Variants in LRP1B observed in about 807,000 individuals in gnomAD.
LRP1B encodes the protein low-density lipoprotein receptor-related protein 1B.
In LRP1B, 217 loss-of-function variants were observed where a neutral mutation model predicts 556.6. The ratio of observed to expected loss-of-function variants is 0.39; its 90% CI spans 0.35 to 0.44. LRP1B has a LOEUF of 0.44. Ranked by LOEUF, LRP1B falls within the 20% of genes least tolerant of loss-of-function variation. The pLI is 1.00. For missense variants in LRP1B, 5,053 were observed against 5,620.8 expected, an observed-to-expected ratio of 0.90 and a Z score of 3.23; for synonymous variants, 2,047 against 1,865.8, an observed-to-expected ratio of 1.10 and a Z score of -2.50.
chr2:140,618,609 AC>A (rs1399676546), intron 41 of LRP1B, among the ~76,000 whole-genome samples: 1 of 152,176 alleles, frequency 6.6e-6, no homozygotes, highest in Non-Finnish European at 1.5e-5. Context: ...AAAGACACAA[AC>A]TAAAACATAA....
chr2:140,529,671 G>A (rs1487125955), intron 47 of LRP1B, among the ~76,000 whole-genome samples: 2 of 151,972 alleles, frequency 1.3e-5, no homozygotes, highest in South Asian at 2.1e-4. Flanking sequence ...CTCCTTTAGG[G>A]AGGATCAGAA....
At chr2:141,215,918 A>G (rs566065491) in intron 6 of LRP1B, among the ~76,000 whole-genome samples, 2 of 152,214 alleles carry the variant, frequency 1.3e-5, no homozygotes, top group African/African-American at 4.8e-5. Context: ...ACAGAGAAAG[A>G]AGCTTTTTCT....
chr2:140,712,430 C>G (rs1347014506), intron 37 of LRP1B, among the ~76,000 whole-genome samples: 1 of 151,992 alleles, frequency 6.6e-6, no homozygotes, highest in Non-Finnish European at 1.5e-5. Flanking sequence ...TCTTGCCTCC[C>G]TGCTTTCTGT....
chr2:141,185,687 C>CAAAAAAAAA (rs111914547), intron 7 of LRP1B, among the ~76,000 whole-genome samples: 1 of 132,176 alleles, frequency 7.6e-6, no homozygotes, highest in Non-Finnish European at 1.5e-5. Flanking sequence ...AACAAACAAA[C>CAAAAAAAAA]AAAAAAAAAC....
chr2:141,788,863 T>G (rs993804700), intron 2 of LRP1B, among the ~76,000 whole-genome samples: 6 of 152,106 alleles, frequency 3.9e-5, no homozygotes, highest in African/African-American at 1.4e-4. Flanking sequence ...ACAAAGGACA[T>G]GAACTTATCA....
chr2:140,678,114 G>C (rs1359805518), intron 41 of LRP1B, among the ~76,000 whole-genome samples: 22 of 152,090 alleles, frequency 1.4e-4, no homozygotes, highest in Admixed American at 1.4e-3. Flanking sequence ...TCTTAATCAT[G>C]ATACTCCAAT....
chr2:140,292,677 C>T (rs1683436561), intron 84 of LRP1B, among the ~76,000 whole-genome samples: 1 of 152,064 alleles, frequency 6.6e-6, no homozygotes, highest in Non-Finnish European at 1.5e-5. Flanking sequence ...AACTCGTTTC[C>T]TTTTTAGAAT....
intron 7 of LRP1B, among the ~76,000 whole-genome samples, chr2:141,187,761 G>C (rs763486105): frequency 1.3e-5 from 2 of 151,732 alleles, no homozygotes; most frequent in African/African-American, 2.4e-5. Flanking sequence ...ATGAAATATG[G>C]TAAAAAGATT....
chr2:141,611,630 C>A (rs564185031), intron 2 of LRP1B, among the ~76,000 whole-genome samples: 1 of 152,278 alleles, frequency 6.6e-6, no homozygotes, highest in East Asian at 1.9e-4. Flanking sequence ...ACAAGCTGAT[C>A]TGCTTCTATA....
intron 7 of LRP1B, among the ~76,000 whole-genome samples, chr2:141,109,915 A>G (rs2104962758): frequency 6.6e-6 from 1 of 152,312 alleles, no homozygotes; most frequent in East Asian, 1.9e-4. Context: ...TAGGATGAGT[A>G]AAGGTGCCCT....
chr2:142,011,274 G>A (rs554798174), intron 1 of LRP1B, among the ~76,000 whole-genome samples: 1 of 152,254 alleles, frequency 6.6e-6, no homozygotes, highest in Non-Finnish European at 1.5e-5. Context: ...CTTTGAAAAA[G>A]TGGGAAACTT....
chr2:140,763,816 T>C (rs2104921444), intron 35 of LRP1B, among the ~76,000 whole-genome samples: 1 of 152,270 alleles, frequency 6.6e-6, no homozygotes, highest in Admixed American at 6.5e-5. Context: ...ATATTACATC[T>C]TGAAAGATTT....
chr2:141,890,319 A>AATACATATATAT (rs1553480445), intron 1 of LRP1B, among the ~76,000 whole-genome samples: 4 of 63,792 alleles, frequency 6.3e-5, no homozygotes, highest in East Asian at 3.2e-4. Flanking sequence ...GTAAGGGCAC[A>AATACATATATAT]ATACATATAT....
chr2:140,601,714 A>G, intron 41 of LRP1B, 75 bp from the exon 42 acceptor site: 1 of 1,002,272 alleles, frequency 1.0e-6, no homozygotes. Context: ...AAAAGCATTT[A>G]AGACATACAT....
At chr2:141,452,560 C>CA (rs887177810) in intron 3 of LRP1B, among the ~76,000 whole-genome samples, 1 of 152,154 alleles carries the variant, frequency 6.6e-6, no homozygotes, top group African/African-American at 2.4e-5. Context: ...ATGATTTTCT[C>CA]AAAAAAGCTA....
intron 77 of LRP1B, among the ~76,000 whole-genome samples, chr2:140,350,420 C>G (rs2105114469): frequency 6.6e-6 from 1 of 152,034 alleles, no homozygotes; most frequent in South Asian, 2.1e-4. Flanking sequence ...AAATAGTTAT[C>G]CCTGCATTAC....
At chr2:141,980,352 G>T (rs1054012892) in intron 1 of LRP1B, among the ~76,000 whole-genome samples, 17 of 152,030 alleles carry the variant, frequency 1.1e-4, no homozygotes, top group Admixed American at 1.1e-3. Context: ...TCCTAGAAAG[G>T]CTTTGCACAA....
chr2:140,762,963 A>G (rs541772621), intron 35 of LRP1B, among the ~76,000 whole-genome samples: 1 of 152,168 alleles, frequency 6.6e-6, no homozygotes, highest in African/African-American at 2.4e-5. Context: ...AAGCTAAAAG[A>G]GATCTCCTCA....
intron 7 of LRP1B, among the ~76,000 whole-genome samples, chr2:141,083,541 T>G (rs138599973): frequency 6.6e-6 from 1 of 152,322 alleles, no homozygotes; most frequent in African/African-American, 2.4e-5. Context: ...TTGTCCCCTC[T>G]GAAACTCATG....
Sources: allele counts gnomAD v4.1 joint callset (sites outside exome capture counted in the v4.1 genomes callset), GRCh38; gene constraint gnomAD v4.1.1; transcripts MANE v1.5; gene names NCBI Gene and HGNC (gene_info 2026-07-23, HGNC 2026-07-21).